EFL1: variants seen among roughly 807,000 people sequenced by gnomAD.
EFL1 encodes elongation factor like GTPase 1.
A neutral mutation model predicts 126.7 loss-of-function variants in EFL1; 76 were observed. That is an observed-to-expected ratio of 0.60 (90% CI 0.50 to 0.73). EFL1 has a LOEUF of 0.73. Ranked by LOEUF, EFL1 falls within the 30% of genes least tolerant of loss-of-function variation. EFL1 has a pLI of 0.00. For synonymous variants in EFL1, 410 were observed against 448.4 expected, an observed-to-expected ratio of 0.91 and a Z score of 1.08; for missense variants, 1,128 against 1,343.2, an observed-to-expected ratio of 0.84 and a Z score of 2.50.
chr15:82,181,644 G>GTATA lies in EFL1; in HGVS notation c.1751-17664_1751-17661dup, dbSNP rs1555427118. ...TGCATGTGTGTGTGTGTGTGTGTGT[G>GTATA]TATATATATATATGAATTCACTTAT... On this transcript the variant is annotated intron_variant, in intron 15 of 19. Transcript: ENST00000268206. 2.5e-3 allele frequency among the ~76,000 whole-genome samples: 381 copies of GTATA among 151,216 alleles called. 2 individuals are homozygous for GTATA. The highest frequency in any genetic ancestry group is 4.8e-3 in the African/African-American group (196 of 41,170).
At chr15:82,225,310 A>T (rs1190133662) in intron 11 of EFL1, 46 bp from the exon 12 acceptor site, 2 of 1,334,548 alleles carry the variant, frequency 1.5e-6, no homozygotes, top group East Asian at 2.5e-5. Context: ...CCCATTATTA[A>T]AAAAAAAAAA....
At chr15:82,229,829 A>T (rs2074802601) in intron 8 of EFL1, among the ~76,000 whole-genome samples, 1 of 152,252 alleles carries the variant, frequency 6.6e-6, no homozygotes, top group Non-Finnish European at 1.5e-5. Context: ...TTCATAAATG[A>T]TAGTGCTCTC....
intron 18 of EFL1, among the ~76,000 whole-genome samples, chr15:82,141,184 G>A: frequency 6.6e-6 from 1 of 151,966 alleles, no homozygotes; most frequent in East Asian, 1.9e-4. Flanking sequence ...TTGGTATTTG[G>A]TACCCGGAAA....
At chr15:82,168,432 G>A (rs948995381) in intron 15 of EFL1, among the ~76,000 whole-genome samples, 3 of 152,106 alleles carry the variant, frequency 2.0e-5, no homozygotes, top group Non-Finnish European at 4.4e-5. Flanking sequence ...TAGGCCTTAG[G>A]GAAAAATCTT....
chr15:82,138,428 GTA>G (rs1361834654), intron 19 of EFL1, among the ~76,000 whole-genome samples: 20 of 142,144 alleles, frequency 1.4e-4, no homozygotes, highest in African/African-American at 3.9e-4. Flanking sequence ...GAGAGAGAGT[GTA>G]TGTGTGTGTG....
intron 19 of EFL1, 76 bp from the exon 20 acceptor site, chr15:82,130,637 TTA>T: frequency 6.8e-7 from 1 of 1,475,940 alleles, no homozygotes; most frequent in Non-Finnish European, 9.3e-7. Flanking sequence ...GCTCCCCAAT[TTA>T]TATAGTCTTA....
At chr15:82,209,353 A>AC (rs2074560809) in intron 15 of EFL1, among the ~76,000 whole-genome samples, 3 of 149,282 alleles carry the variant, frequency 2.0e-5, no homozygotes, top group Admixed American at 6.7e-5. Flanking sequence ...ACACACACAC[A>AC]GATTATCAAC....
At chr15:82,198,697 T>C (rs559265541) in intron 15 of EFL1, among the ~76,000 whole-genome samples, 51 of 152,150 alleles carry the variant, frequency 3.4e-4, no homozygotes, top group African/African-American at 1.2e-3. Flanking sequence ...AGGAAGGCCA[T>C]AGAGATTCAT....
intron 18 of EFL1, among the ~76,000 whole-genome samples, chr15:82,148,718 T>C (rs1347205771): frequency 1.3e-5 from 2 of 152,290 alleles, no homozygotes; most frequent in Admixed American, 1.3e-4. Flanking sequence ...TATCTCACCA[T>C]AATAAGAGAA....
At chr15:82,225,030 TG>T in intron 12 of EFL1, 134 bp downstream of exon 12, 1 of 564,892 alleles carries the variant, frequency 1.8e-6, no homozygotes, top group South Asian at 3.0e-5. Context: ...TATGTTACCC[TG>T]GGGGTTGGCT....
intron 18 of EFL1, among the ~76,000 whole-genome samples, chr15:82,143,404 G>C (rs2073809707): frequency 1.3e-5 from 2 of 152,206 alleles, no homozygotes; most frequent in Non-Finnish European, 2.9e-5. Flanking sequence ...CAAGGAGAAA[G>C]AGCATTCTTT....
intron 9 of EFL1, among the ~76,000 whole-genome samples, 187 bp from the exon 10 acceptor site, chr15:82,228,514 T>C (rs1282129791): frequency 2.0e-5 from 3 of 152,224 alleles, no homozygotes; most frequent in African/African-American, 7.2e-5. Flanking sequence ...CACTTTCAAG[T>C]GAATCCTTCT....
At chr15:82,207,584 T>C (rs1321615343) in intron 15 of EFL1, among the ~76,000 whole-genome samples, 1 of 152,124 alleles carries the variant, frequency 6.6e-6, no homozygotes, top group Non-Finnish European at 1.5e-5. Flanking sequence ...GTAAATTTTA[T>C]GTTGTGTTTT....
At position 82,130,259 on chromosome 15, in the gene EFL1, T is replaced by C; in HGVS notation, c.*114A>G. ...TTAAAATATTTATATGGATCAACTT[T>C]ATTGAAAGTGAATAAACAGAGATAA... On this transcript the variant is annotated 3_prime_UTR_variant, in exon 20 of 20. Coordinates refer to ENST00000268206, the MANE Select transcript of EFL1 (RefSeq NM_024580.6). 2.7e-6 allele frequency: 3 copies of C among 1,121,466 alleles called. No homozygotes were observed. The highest frequency in any genetic ancestry group is 3.7e-6 in the Non-Finnish European group (3 of 803,616). The allele number at this position is 1,121,466 out of a possible 1,614,324, so 69.5% of individuals were successfully genotyped here.
intron 15 of EFL1, among the ~76,000 whole-genome samples, chr15:82,205,118 T>C (rs959665826): frequency 1.2e-4 from 18 of 152,120 alleles, no homozygotes; most frequent in African/African-American, 1.9e-4. Context: ...GAGAAGATGG[T>C]CTCACGAGCA....
chr15:82,255,157 C>T (rs530593136), intron 3 of EFL1, among the ~76,000 whole-genome samples: 43 of 152,302 alleles, frequency 2.8e-4, no homozygotes, highest in Admixed American at 7.2e-4. Flanking sequence ...TGATCCATAA[C>T]CTCCACAGCT....
intron 15 of EFL1, among the ~76,000 whole-genome samples, chr15:82,199,829 T>C (rs62012007): frequency 0.035 from 5,368 of 152,348 alleles, 151 homozygotes; most frequent in Non-Finnish European, 0.052. Context: ...GTAAATAAGA[T>C]GTCTTAACAT....
chr15:82,148,559 T>A (rs2073874070), intron 18 of EFL1, among the ~76,000 whole-genome samples: 2 of 152,124 alleles, frequency 1.3e-5, no homozygotes, highest in East Asian at 3.9e-4. Flanking sequence ...ATGTTACCTA[T>A]CTTTCTCTTC....
intron 15 of EFL1, among the ~76,000 whole-genome samples, chr15:82,208,619 T>C (rs923692703): frequency 1.3e-5 from 2 of 152,104 alleles, no homozygotes; most frequent in South Asian, 2.1e-4. Flanking sequence ...TTGAAAAGAA[T>C]ATGCAATGAT....
Sources: gnomAD v4.1 joint callset for allele counts (sites outside exome capture counted in the v4.1 genomes callset) on GRCh38, gnomAD v4.1.1 for gene constraint, MANE v1.5 for transcripts, NCBI Gene and HGNC (gene_info 2026-07-23, HGNC 2026-07-21) for gene names.